Variants in AMMECR1 observed in about 807,000 individuals in gnomAD.
AMMECR1 encodes nuclear protein AMMECR1.
Under a neutral mutation model 22.5 loss-of-function variants are expected in AMMECR1, and 3 were observed. That is an observed-to-expected ratio of 0.13 (90% confidence interval 0.06 to 0.35). AMMECR1 has a LOEUF of 0.35. Ranked by LOEUF, AMMECR1 falls within the 10% of genes least tolerant of loss-of-function variation. The pLI, the probability that AMMECR1 is intolerant of heterozygous loss-of-function variation, is 1.00. For missense variants in AMMECR1, 235 were observed against 278.7 expected, an observed-to-expected ratio of 0.84 and a Z score of 1.12; for synonymous variants, 130 against 116.7, an observed-to-expected ratio of 1.11 and a Z score of -0.74.
At chrX:110,259,873 G>A (rs762086175) in intron 2 of AMMECR1, among the ~76,000 whole-genome samples, 10 of 111,090 alleles carry the variant, frequency 9.0e-5, no homozygotes, top group Non-Finnish European at 1.7e-4. Context: ...GTGAGCCACC[G>A]CGCCCGGCCA....
chrX:110,233,781 C>T (rs370656305), intron 2 of AMMECR1, among the ~76,000 whole-genome samples: 4 of 112,111 alleles, frequency 3.6e-5, no homozygotes, highest in East Asian at 2.8e-4. Flanking sequence ...ACTCAACAAC[C>T]CTTCATGCTA....
intron 2 of AMMECR1, among the ~76,000 whole-genome samples, chrX:110,337,355 G>T (rs1013671510): frequency 3.6e-5 from 4 of 111,886 alleles, no homozygotes. Context: ...ATATTCTGTT[G>T]TGTTTTTAGA....
intron 2 of AMMECR1, among the ~76,000 whole-genome samples, chrX:110,344,950 A>G (rs907534568): frequency 8.9e-6 from 1 of 112,333 alleles, no homozygotes; most frequent in Non-Finnish European, 1.9e-5. Context: ...TTCCTCAGGG[A>G]TCTAGAACTA....
At chrX:110,285,994 G>C (rs1176584661) in intron 1 of AMMECR1, among the ~76,000 whole-genome samples, 1 of 111,899 alleles carries the variant, frequency 8.9e-6, no homozygotes, top group African/African-American at 3.2e-5. Flanking sequence ...AGTAAGTGTG[G>C]GAGATACAAG....
intron 2 of AMMECR1, among the ~76,000 whole-genome samples, chrX:110,227,051 T>A (rs902294602): frequency 8.9e-6 from 1 of 111,865 alleles, no homozygotes; most frequent in Non-Finnish European, 1.9e-5. Flanking sequence ...GAAGTCATAA[T>A]AGGTTACCAA....
At chrX:110,307,864 C>CTTTTTT (rs1162615101) in intron 1 of AMMECR1, among the ~76,000 whole-genome samples, 9 of 63,619 alleles carry the variant, frequency 1.4e-4, no homozygotes, top group Non-Finnish European at 1.7e-4. Context: ...TTTTTTTTTT[C>CTTTTTT]TTTTTTTTTT....
At chrX:110,350,974 AAAAAG>A (rs959469330) in intron 2 of AMMECR1, among the ~76,000 whole-genome samples, 18 of 111,790 alleles carry the variant, frequency 1.6e-4, no homozygotes, top group African/African-American at 5.2e-4. Context: ...CCCTGTCTCA[AAAAAG>A]AAAAGAAAAG....
rs1189162302 is a variant in AMMECR1, at chrX:110,194,800, A to G, written c.*3720T>C. 1 of 112,111 alleles carries G rather than the reference A, an allele frequency of 8.9e-6. No homozygotes were observed. The highest frequency in any genetic ancestry group is 1.9e-5 in the Non-Finnish European group (1 of 53,224). 9.2% of individuals were successfully genotyped at this position (112,111 alleles called of 1,213,427 possible). On this transcript the variant is annotated 3_prime_UTR_variant, in exon 6 of 6. Transcript: ENST00000262844. ...AAACAAGGAAAACATATATTTGTAT[A>G]TAAAGGATCAATGCTGGTCTTAAGA...
At chrX:110,286,391 C>T (rs375753674) in intron 1 of AMMECR1, among the ~76,000 whole-genome samples, 8 of 110,655 alleles carry the variant, frequency 7.2e-5, no homozygotes, top group East Asian at 5.7e-4. Flanking sequence ...GAGCATGGGC[C>T]GGGCGTAATG....
At position 110,421,323 on chromosome X, in the gene AMMECR1, G is replaced by A. The variant is rs745466031; in HGVS notation, c.-148+5335C>T. ...CTTGTGGGAGTTGTACACCCTAGTG[G>A]CAGGATGCTGCCATACAGTGTCATT... On this transcript the variant is annotated intron_variant, in intron 2 of 7. Coordinates refer to the AMMECR1 transcript ENST00000372057. Among the ~76,000 whole-genome samples the A allele has an allele frequency of 2.7e-5, 3 of 112,714 alleles. No homozygotes were observed. The East Asian group carries it at 8.4e-4, about 31-fold the overall frequency.
intron 2 of AMMECR1, among the ~76,000 whole-genome samples, chrX:110,236,195 T>C (rs1461863422): frequency 8.9e-6 from 1 of 112,004 alleles, no homozygotes; most frequent in African/African-American, 3.2e-5. Context: ...CAAATATGTA[T>C]TGAGTGCCTG....
chrX:110,431,912 C>T (rs2068799838), intron 1 of AMMECR1, among the ~76,000 whole-genome samples: 4 of 111,859 alleles, frequency 3.6e-5, no homozygotes, highest in Admixed American at 9.4e-5. Context: ...TGAGAGTTGA[C>T]ACTGTCCAAA....
chrX:110,218,958 T>TAGC (rs773519178), intron 2 of AMMECR1, among the ~76,000 whole-genome samples: 5 of 111,988 alleles, frequency 4.5e-5, no homozygotes, highest in Non-Finnish European at 9.4e-5. Flanking sequence ...ATCCATGTTG[T>TAGC]AGCATGTATC....
At chrX:110,345,062 A>G (rs2068182632) in intron 2 of AMMECR1, among the ~76,000 whole-genome samples, 1 of 112,223 alleles carries the variant, frequency 8.9e-6, no homozygotes, top group African/African-American at 3.2e-5. Flanking sequence ...TTATTGTGGC[A>G]CTATTCACAA....
intron 2 of AMMECR1, among the ~76,000 whole-genome samples, chrX:110,347,423 G>T (rs1375952748): frequency 8.8e-6 from 1 of 113,275 alleles, no homozygotes; most frequent in African/African-American, 3.2e-5. Context: ...GAGGGTTGCA[G>T]ATTTTGGGCT....
At chrX:110,351,418 G>A (rs2068210873) in intron 2 of AMMECR1, among the ~76,000 whole-genome samples, 1 of 112,195 alleles carries the variant, frequency 8.9e-6, no homozygotes, top group African/African-American at 3.2e-5. Context: ...ATAGAATGAA[G>A]GGTCCAGAGA....
chrX:110,275,458 T>C (rs1351095834), intron 1 of AMMECR1, among the ~76,000 whole-genome samples: 1 of 111,154 alleles, frequency 9.0e-6, no homozygotes, highest in Non-Finnish European at 1.9e-5. Flanking sequence ...ATGGTTCTTC[T>C]CTTTGTTCCT....
chrX:110,429,944 G>A (rs1303398594), intron 1 of AMMECR1, among the ~76,000 whole-genome samples: 1 of 112,016 alleles, frequency 8.9e-6, no homozygotes, highest in East Asian at 2.8e-4. Context: ...TGGCTTCATC[G>A]TGTTCTTTGT....
chrX:110,290,209 T>C (rs1216168374), intron 1 of AMMECR1, among the ~76,000 whole-genome samples: 1 of 112,024 alleles, frequency 8.9e-6, no homozygotes, highest in East Asian at 2.8e-4. Flanking sequence ...TATTTATGTG[T>C]TGCTAGCAAA....
Sources: allele counts gnomAD v4.1 joint callset (sites outside exome capture counted in the v4.1 genomes callset), GRCh38; gene constraint gnomAD v4.1.1; transcripts MANE v1.5; gene names NCBI Gene and HGNC (gene_info 2026-07-23, HGNC 2026-07-21).